TRMT11: variants seen among roughly 807,000 people sequenced by gnomAD.
The protein encoded by TRMT11 is tRNA methyltransferase 11.
Under a neutral mutation model 62.8 loss-of-function variants are expected in TRMT11, and 53 were observed. The ratio of observed to expected loss-of-function variants is 0.84; its 90% CI spans 0.68 to 1.06. TRMT11 has a LOEUF of 1.06. TRMT11 is among the 50% of genes least tolerant of loss of function. TRMT11 has a pLI of 0.00. For synonymous variants in TRMT11, 188 were observed against 190.3 expected (o/e 0.99, Z 0.10); for missense variants, 556 against 553.4 (o/e 1.00, Z -0.05).
chr6:126,156,214 T>C (rs1661591822), intron 21 of TRMT11, among the ~76,000 whole-genome samples: 1 of 152,186 alleles, frequency 6.6e-6, no homozygotes, highest in Admixed American at 6.5e-5. Flanking sequence ...TTTTGCACAC[T>C]GAGGTTGCAA....
At chr6:126,078,519 GAC>G (rs1425466003) in intron 17 of TRMT11, among the ~76,000 whole-genome samples, 2 of 151,232 alleles carry the variant, frequency 1.3e-5, no homozygotes, top group Non-Finnish European at 2.9e-5. Context: ...TATTTCATAA[GAC>G]ACAATAAATC....
At chr6:126,145,708 T>C (rs959525372) in intron 21 of TRMT11, among the ~76,000 whole-genome samples, 3 of 152,186 alleles carry the variant, frequency 2.0e-5, no homozygotes, top group Non-Finnish European at 4.4e-5. Flanking sequence ...TGTCACTTTA[T>C]CTACTGTGTC....
chr6:126,104,866 A>G (rs1209898092), intron 17 of TRMT11, among the ~76,000 whole-genome samples: 1 of 152,150 alleles, frequency 6.6e-6, no homozygotes, highest in Non-Finnish European at 1.5e-5. Context: ...TGATAAAGAT[A>G]TTATCCTATT....
intron 21 of TRMT11, among the ~76,000 whole-genome samples, chr6:126,128,194 A>T (rs1777740020): frequency 6.6e-6 from 1 of 152,154 alleles, no homozygotes; most frequent in Non-Finnish European, 1.5e-5. Context: ...TAAATTAATC[A>T]TTGGAGTGAA....
intron 17 of TRMT11, among the ~76,000 whole-genome samples, chr6:126,089,230 C>A: frequency 6.6e-6 from 1 of 151,864 alleles, no homozygotes; most frequent in East Asian, 1.9e-4. Context: ...TCTCCTGCCT[C>A]AGCCTCCTGA....
At chr6:126,155,727 CTT>C (rs1051684363) in intron 21 of TRMT11, among the ~76,000 whole-genome samples, 2 of 152,120 alleles carry the variant, frequency 1.3e-5, no homozygotes, top group South Asian at 2.1e-4. Flanking sequence ...TATTAAATCT[CTT>C]TTTCTTTTTG....
At chr6:126,183,078 G>A (rs747286978) in intron 1 of TRMT11, among the ~76,000 whole-genome samples, 2 of 152,102 alleles carry the variant, frequency 1.3e-5, no homozygotes, top group African/African-American at 2.4e-5. Flanking sequence ...TGCAGGCTTC[G>A]TAGACTGATT....
Position 126,012,950 on chromosome 6 carries a change from A to T in TRMT11, c.1008-20A>T. On this transcript the variant is annotated intron_variant, in intron 10 of 12. Coordinates refer to ENST00000334379, the MANE Select transcript of TRMT11 (RefSeq NM_001031712.3). ...CTTAAAATTTTTCACTGATTTTGAAATTTTCTTTTCTTTGTGTAGTCCAGA... is the reference window on the plus strand; with the variant it reads ...CTTAAAATTTTTCACTGATTTTGAATTTTTCTTTTCTTTGTGTAGTCCAGA... 4 of 1,607,896 alleles carry T rather than the reference A, an allele frequency of 2.5e-6. No individual in the cohort carries two copies. Among genetic ancestry groups the T allele is most frequent in the Non-Finnish European group, 3.4e-6 (4 of 1,176,550 alleles).
At chr6:126,222,191 C>T in the TRMT11 span, among the ~76,000 whole-genome samples, 5 of 150,894 alleles carry the variant, frequency 3.3e-5, no homozygotes, top group African/African-American at 1.2e-4. Context: ...GTAACATTAT[C>T]ATGCTGTTTT....
chr6:126,186,448 T>C (rs1286928259), intron 1 of TRMT11, among the ~76,000 whole-genome samples: 1 of 152,124 alleles, frequency 6.6e-6, no homozygotes, highest in African/African-American at 2.4e-5. Context: ...ATACAAGAAG[T>C]GGGATGTTGA....
chr6:126,250,484 A>T, the TRMT11 span, among the ~76,000 whole-genome samples: 3 of 152,372 alleles, frequency 2.0e-5, no homozygotes, highest in African/African-American at 7.2e-5. Flanking sequence ...TGAAAGGATC[A>T]TGATATACAA....
intron 21 of TRMT11, among the ~76,000 whole-genome samples, chr6:126,129,697 AT>A (rs1006624444): frequency 6.6e-6 from 1 of 151,804 alleles, no homozygotes; most frequent in Non-Finnish European, 1.5e-5. Context: ...TTTAAAAAAA[AT>A]TTTTTTTATG....
intron 1 of TRMT11, among the ~76,000 whole-genome samples, chr6:126,198,302 A>G (rs928771783): frequency 6.6e-6 from 1 of 152,208 alleles, no homozygotes; most frequent in Admixed American, 6.5e-5. Flanking sequence ...AAAAACAAGC[A>G]TAAGAACTAC....
chr6:126,043,687 C>G (rs1422999561), downstream of TRMT11, among the ~76,000 whole-genome samples: 1 of 151,978 alleles, frequency 6.6e-6, no homozygotes, highest in African/African-American at 2.4e-5. Context: ...AAAACTGTTC[C>G]TATTTCTCCA....
chr6:126,187,083 C>G (rs1583903402), intron 1 of TRMT11, among the ~76,000 whole-genome samples: 2 of 152,078 alleles, frequency 1.3e-5, no homozygotes, highest in African/African-American at 4.8e-5. Context: ...CCATTGTCAT[C>G]ACTTCTCTTC....
chr6:126,134,506 T>G (rs1356330986), intron 21 of TRMT11, among the ~76,000 whole-genome samples: 2 of 151,814 alleles, frequency 1.3e-5, no homozygotes, highest in African/African-American at 2.4e-5. Flanking sequence ...AAGAAAATAT[T>G]AATAGATCTA....
chr6:126,270,531 T>A, the TRMT11 span, among the ~76,000 whole-genome samples: 3 of 152,182 alleles, frequency 2.0e-5, no homozygotes, highest in Admixed American at 2.0e-4. Context: ...GCACTATAGA[T>A]TTTTTAAAAA....
intron 21 of TRMT11, among the ~76,000 whole-genome samples, chr6:126,117,511 G>A (rs755047776): frequency 3.9e-5 from 6 of 151,928 alleles, no homozygotes; most frequent in Admixed American, 6.6e-5. Context: ...CTTCTCTCAC[G>A]TTGAATGAGT....
the TRMT11 span, among the ~76,000 whole-genome samples, chr6:126,262,620 T>G: frequency 6.6e-6 from 1 of 152,144 alleles, no homozygotes; most frequent in African/African-American, 2.4e-5. Flanking sequence ...AGCAGTGTAC[T>G]TGTGTGAAAT....
Sources: allele counts gnomAD v4.1 joint callset (sites outside exome capture counted in the v4.1 genomes callset), GRCh38; gene constraint gnomAD v4.1.1; transcripts MANE v1.5; gene names NCBI Gene and HGNC (gene_info 2026-07-23, HGNC 2026-07-21).